EYA4: variants seen among roughly 807,000 people sequenced by gnomAD.
EYA4 encodes EYA transcriptional coactivator and phosphatase 4.
EYA4 carries 31 observed loss-of-function variants against 87.9 expected under a neutral mutation model. The ratio of observed to expected loss-of-function variants is 0.35; its 90% CI spans 0.27 to 0.48. The LOEUF (loss-of-function observed/expected upper bound fraction) is 0.48, where lower values mean the gene tolerates loss of function less well. Among genes scored for constraint, EYA4 ranks in the 20% least tolerant of loss-of-function variants. The pLI is 0.99. For missense variants in EYA4, 678 were observed against 761.4 expected, an observed-to-expected ratio of 0.89 and a Z score of 1.29; for synonymous variants, 263 against 270.6, an observed-to-expected ratio of 0.97 and a Z score of 0.28.
At position 133,294,334 on chromosome 6, in the gene EYA4, GCT is replaced by G. The variant is rs1778776943; in HGVS notation, c.33+19524_33+19525del. On this transcript the variant is annotated intron_variant, in intron 2 of 19. Coordinates refer to ENST00000355286, the MANE Select transcript of EYA4 (RefSeq NM_004100.5). ...AGAAAAAGGATATTCTTGGTCTCTT[GCT>G]CTTTCTGTTTTTTTTTTGTTTTGTT... 6.1e-5 allele frequency among the ~76,000 whole-genome samples: 9 copies of G among 148,290 alleles called. No homozygotes were observed. The South Asian group carries it at 1.7e-3, about 28-fold the overall frequency.
chr6:133,249,731 A>G (rs954624141), intron 1 of EYA4, among the ~76,000 whole-genome samples: 1 of 152,156 alleles, frequency 6.6e-6, no homozygotes, highest in Non-Finnish European at 1.5e-5. Context: ...TGCTTTTTCA[A>G]TACTTAAGGT....
intron 2 of EYA4, among the ~76,000 whole-genome samples, chr6:133,293,552 C>T (rs971719445): frequency 1.3e-5 from 2 of 152,160 alleles, no homozygotes; most frequent in Non-Finnish European, 2.9e-5. Context: ...AGCACCTTAA[C>T]TGCTCTGAAC....
At chr6:133,398,997 A>G (rs889144203) in intron 3 of EYA4, among the ~76,000 whole-genome samples, 36 of 152,138 alleles carry the variant, frequency 2.4e-4, no homozygotes, top group African/African-American at 8.4e-4. Flanking sequence ...GTCACTACCT[A>G]TTTATTCATC....
At chr6:133,407,839 T>C (rs1344512634) in intron 3 of EYA4, among the ~76,000 whole-genome samples, 2 of 152,196 alleles carry the variant, frequency 1.3e-5, no homozygotes, top group Non-Finnish European at 2.9e-5. Context: ...CCTAGACCAC[T>C]ATCTGTCATG....
chr6:133,359,070 G>T (rs1252728215), intron 2 of EYA4, among the ~76,000 whole-genome samples: 1 of 152,210 alleles, frequency 6.6e-6, no homozygotes, highest in African/African-American at 2.4e-5. Flanking sequence ...GAAATTCAGT[G>T]TGACTAGAAC....
intron 2 of EYA4, among the ~76,000 whole-genome samples, chr6:133,319,091 A>G (rs956941514): frequency 2.9e-5 from 4 of 139,926 alleles, no homozygotes; most frequent in Admixed American, 7.0e-5. Context: ...TCTGTGCAGA[A>G]TAAAATTTCA....
chr6:133,340,666 A>C (rs556959812), intron 2 of EYA4, among the ~76,000 whole-genome samples: 2 of 152,300 alleles, frequency 1.3e-5, no homozygotes, highest in African/African-American at 2.4e-5. Flanking sequence ...GAGGCGGCAG[A>C]GGAGGGAAAG....
chr6:133,415,199 A>G (rs182060055), intron 3 of EYA4, among the ~76,000 whole-genome samples: 1 of 152,268 alleles, frequency 6.6e-6, no homozygotes, highest in African/African-American at 2.4e-5. Flanking sequence ...TATTGTATTG[A>G]CAAAGGACCT....
chr6:133,376,991 A>C (rs1349122447), intron 2 of EYA4, among the ~76,000 whole-genome samples: 1 of 151,722 alleles, frequency 6.6e-6, no homozygotes, highest in Non-Finnish European at 1.5e-5. Context: ...AGTCCTCTCT[A>C]CTCCTTTATT....
At chr6:133,402,995 A>G (rs1788395570) in intron 3 of EYA4, among the ~76,000 whole-genome samples, 2 of 152,162 alleles carry the variant, frequency 1.3e-5, no homozygotes, top group Admixed American at 1.3e-4. Context: ...CCTCGGTTTT[A>G]TCATGGGGCT....
intron 2 of EYA4, among the ~76,000 whole-genome samples, chr6:133,373,702 A>G (rs540224881): frequency 6.6e-6 from 1 of 152,094 alleles, no homozygotes; most frequent in Non-Finnish European, 1.5e-5. Flanking sequence ...CGGCAAAGAA[A>G]CATATAAACA....
intron 3 of EYA4, among the ~76,000 whole-genome samples, chr6:133,399,989 C>T (rs1017797784): frequency 6.6e-6 from 1 of 152,148 alleles, no homozygotes; most frequent in Non-Finnish European, 1.5e-5. Flanking sequence ...AAATTTCATA[C>T]TATTTATAGG....
intron 3 of EYA4, among the ~76,000 whole-genome samples, chr6:133,423,321 A>G (rs1288848953): frequency 6.6e-6 from 1 of 152,214 alleles, no homozygotes; most frequent in African/African-American, 2.4e-5. Flanking sequence ...CCGGTGTTAC[A>G]GTTAGTAGTA....
chr6:133,242,035 C>T (rs1320328678), intron 1 of EYA4, among the ~76,000 whole-genome samples: 2 of 152,348 alleles, frequency 1.3e-5, no homozygotes, highest in South Asian at 2.1e-4. Flanking sequence ...CTGCCTGTCC[C>T]TTCCGGGGTC....
intron 17 of EYA4, among the ~76,000 whole-genome samples, chr6:133,522,155 T>G (rs2128809956): frequency 6.8e-6 from 1 of 147,220 alleles, no homozygotes; most frequent in Middle Eastern, 3.5e-3. Flanking sequence ...CTGGTGCATC[T>G]ACATGGTAGA....
intron 2 of EYA4, among the ~76,000 whole-genome samples, chr6:133,349,130 TC>T (rs1316443663): frequency 2.6e-5 from 4 of 152,214 alleles, no homozygotes; most frequent in Non-Finnish European, 2.9e-5. Flanking sequence ...AAAACGTTCA[TC>T]TCTTAAGTGT....
chr6:133,464,674 C>A lies in EYA4; in HGVS notation c.725-105C>A, dbSNP rs756453357. 8.8e-5 allele frequency: 68 copies of A among 774,888 alleles called. No individual in the cohort carries two copies. The South Asian group carries it at 9.4e-4, about 11-fold the overall frequency. The allele number at this position is 774,888 out of a possible 1,614,324, so 48.0% of individuals were successfully genotyped here. ...TCTCAACTTCAAATTTCACTGTCTT[C>A]ACGACAAATTTCAAAGTGTTTCTCT... On this transcript the variant is annotated intron_variant, in intron 9 of 19. Transcript: ENST00000355286.
intron 1 of EYA4, among the ~76,000 whole-genome samples, chr6:133,258,690 T>C (rs1775548965): frequency 6.6e-6 from 1 of 152,068 alleles, no homozygotes. Context: ...TTTCTGCTTG[T>C]ATGGCTCTCC....
chr6:133,306,368 A>G (rs1164900119), intron 2 of EYA4, among the ~76,000 whole-genome samples: 1 of 152,146 alleles, frequency 6.6e-6, no homozygotes, highest in Admixed American at 6.6e-5. Flanking sequence ...CATGTGAAAA[A>G]CTGGGGTTCT....
Sources: gnomAD v4.1 joint callset for allele counts (sites outside exome capture counted in the v4.1 genomes callset) on GRCh38, gnomAD v4.1.1 for gene constraint, MANE v1.5 for transcripts, NCBI Gene and HGNC (gene_info 2026-07-23, HGNC 2026-07-21) for gene names.